Variants in APBA2 observed in about 807,000 individuals in gnomAD.
The protein encoded by APBA2 is amyloid beta precursor protein binding family A member 2.
A neutral mutation model predicts 75.0 loss-of-function variants in APBA2; 30 were observed. The ratio of observed to expected loss-of-function variants is 0.40; its 90% CI spans 0.30 to 0.54. The LOEUF is 0.54. Ranked by LOEUF, APBA2 falls within the 20% of genes least tolerant of loss-of-function variation. APBA2 has a pLI of 0.49. For synonymous variants in APBA2, 444 were observed against 409.6 expected (o/e 1.08, Z -1.01); for missense variants, 801 against 1,016.1 (o/e 0.79, Z 2.88).
chr15:29,075,007 T>G lies in APBA2; in HGVS notation c.1032+6T>G. On this transcript the variant is annotated splice_donor_region_variant and intron_variant, in intron 5 of 14. Transcript: ENST00000683413. ...ACAATAACAACATTCCAGAGGTAAT[T>G]TTTTTCAAGGATGAGAGTTCTGGGC... 1 of 1,611,134 alleles carries G rather than the reference T, an allele frequency of 6.2e-7. No homozygotes were observed. Among genetic ancestry groups the G allele is most frequent in the South Asian group, 1.1e-5 (1 of 90,614 alleles).
intron 4 of APBA2, among the ~76,000 whole-genome samples, chr15:29,057,924 T>C (rs1253824012): frequency 6.6e-6 from 1 of 152,242 alleles, no homozygotes; most frequent in Non-Finnish European, 1.5e-5. Flanking sequence ...TCTGTGGATG[T>C]TGGATGCATG....
intron 12 of APBA2, 127 bp downstream of exon 12, chr15:29,106,946 AC>A: frequency 1.2e-6 from 1 of 843,078 alleles, no homozygotes; most frequent in South Asian, 1.6e-5. Context: ...GCCCAGGGAG[AC>A]CCACCCGGTG....
At chr15:29,035,236 G>A (rs2040684556) in intron 3 of APBA2, among the ~76,000 whole-genome samples, 3 of 152,234 alleles carry the variant, frequency 2.0e-5, no homozygotes, top group African/African-American at 7.2e-5. Flanking sequence ...AGGCAGAGGA[G>A]TAAGGGCTTG....
At chr15:28,923,813 C>A (rs2034106903) in intron 2 of APBA2, among the ~76,000 whole-genome samples, 1 of 152,110 alleles carries the variant, frequency 6.6e-6, no homozygotes, top group South Asian at 2.1e-4. Flanking sequence ...AGTGCTTGGG[C>A]CTTTTGGGGT....
intron 2 of APBA2, among the ~76,000 whole-genome samples, chr15:28,945,601 C>G (rs2035501089): frequency 6.6e-6 from 1 of 151,570 alleles, no homozygotes; most frequent in African/African-American, 2.4e-5. Flanking sequence ...TCACTGCAAC[C>G]TCGGCCTCCC....
At chr15:29,068,450 C>T (rs891788380) in intron 4 of APBA2, among the ~76,000 whole-genome samples, 8 of 152,220 alleles carry the variant, frequency 5.3e-5, no homozygotes, top group Admixed American at 1.3e-4. Flanking sequence ...CTCCCTGGGC[C>T]GGTCTCAGCC....
chr15:28,909,284 C>T (rs2152646458), intron 1 of APBA2, among the ~76,000 whole-genome samples: 1 of 152,272 alleles, frequency 6.6e-6, no homozygotes, highest in Non-Finnish European at 1.5e-5. Flanking sequence ...GCCACCGCGC[C>T]CAGCAACCAC....
At chr15:29,085,736 C>T (rs2152939137) in intron 6 of APBA2, among the ~76,000 whole-genome samples, 1 of 152,184 alleles carries the variant, frequency 6.6e-6, no homozygotes, top group East Asian at 1.9e-4. Context: ...TGATTGTTTC[C>T]TTTCTTTCTG....
chr15:28,910,082 G>A (rs927058460), intron 1 of APBA2, among the ~76,000 whole-genome samples: 12 of 152,212 alleles, frequency 7.9e-5, no homozygotes, highest in African/African-American at 1.4e-4. Flanking sequence ...AACAGCCACC[G>A]GTAGAATTAA....
At chr15:28,965,134 A>G (rs556990537) in intron 2 of APBA2, among the ~76,000 whole-genome samples, 1 of 150,848 alleles carries the variant, frequency 6.6e-6, no homozygotes, top group African/African-American at 2.4e-5. Flanking sequence ...ATTTTGCGTT[A>G]GTTTTTGTAT....
At chr15:28,886,562 G>A (rs1000445087) in intron 1 of APBA2, among the ~76,000 whole-genome samples, 1 of 151,918 alleles carries the variant, frequency 6.6e-6, no homozygotes, top group African/African-American at 2.4e-5. Flanking sequence ...CCGCGCGGGG[G>A]GCACCGCGGC....
rs950661351 is a variant in APBA2 at position 29,070,878 on chromosome 15, G to A, written c.952-4043G>A. On this transcript the variant is annotated intron_variant, in intron 4 of 14. Transcript: ENST00000683413. The stretch of plus-strand genomic sequence containing the variant: ...CTTTTGAAAACAGGAGCCGTGAAGG[G>A]ATTCCCAGAGAAGATTGTCATCTAA... The A allele has an allele frequency of 1.8e-5, 6 of 330,840 alleles. No individual in the cohort carries two copies. In the Admixed American group the frequency reaches 2.6e-4, roughly 14 times the overall value. The allele number at this position is 330,840 out of a possible 1,614,324, so 20.5% of individuals were successfully genotyped here.
chr15:29,095,931 G>A (rs976385676), intron 8 of APBA2, among the ~76,000 whole-genome samples: 1 of 152,210 alleles, frequency 6.6e-6, no homozygotes, highest in African/African-American at 2.4e-5. Flanking sequence ...GCTGGAGCAG[G>A]GAGTCCCTAC....
chr15:28,888,581 G>T (rs1202830968), intron 1 of APBA2, among the ~76,000 whole-genome samples: 2 of 152,204 alleles, frequency 1.3e-5, no homozygotes, highest in Non-Finnish European at 2.9e-5. Context: ...GTCCGAAGTC[G>T]TGGAGAAACC....
At chr15:29,036,598 T>C (rs181284894) in intron 3 of APBA2, among the ~76,000 whole-genome samples, 17 of 152,270 alleles carry the variant, frequency 1.1e-4, no homozygotes, top group South Asian at 4.1e-4. Flanking sequence ...TGCAGAGACC[T>C]CAGGTGGCCT....
chr15:29,058,134 A>T lies in APBA2; in HGVS notation c.951+3299A>T, dbSNP rs1387053153. On this transcript the variant is annotated intron_variant, in intron 4 of 14. Coordinates refer to ENST00000683413, the MANE Select transcript of APBA2 (RefSeq NM_001353788.2). ...ACCCCTCCACCTCCTTTCGGTACAGAGGGATTTAATTGGATGTTTCCTTCT... is the reference window on the plus strand; with the variant it reads ...ACCCCTCCACCTCCTTTCGGTACAGTGGGATTTAATTGGATGTTTCCTTCT... 3.9e-5 allele frequency among the ~76,000 whole-genome samples: 6 copies of T among 152,264 alleles called. 1 individual carries two copies. The highest frequency in any genetic ancestry group is 7.4e-5 in the Non-Finnish European group (5 of 68,022).
intron 3 of APBA2, among the ~76,000 whole-genome samples, chr15:29,032,650 A>T (rs1001758): frequency 0.015 from 2,272 of 152,294 alleles, 25 homozygotes; most frequent in Non-Finnish European, 0.023. Context: ...GTCAGAAGTC[A>T]TGTGTCTCCT....
At chr15:28,974,339 G>A (rs1294012078) in intron 2 of APBA2, among the ~76,000 whole-genome samples, 3 of 152,150 alleles carry the variant, frequency 2.0e-5, no homozygotes, top group Admixed American at 6.5e-5. Flanking sequence ...TCTACGATGC[G>A]GAAACCACAG....
chr15:29,026,652 G>A (rs2040235519), intron 3 of APBA2, among the ~76,000 whole-genome samples: 1 of 152,106 alleles, frequency 6.6e-6, no homozygotes, highest in Admixed American at 6.5e-5. Context: ...GGTGGCTCAC[G>A]CCTGTAATCC....
Sources: gnomAD v4.1 joint callset for allele counts (sites outside exome capture counted in the v4.1 genomes callset) on GRCh38, gnomAD v4.1.1 for gene constraint, MANE v1.5 for transcripts, NCBI Gene and HGNC (gene_info 2026-07-23, HGNC 2026-07-21) for gene names.